Variants in CEP290 observed in about 807,000 individuals in gnomAD.
CEP290 encodes the protein centrosomal protein of 290 kDa.
A neutral mutation model predicts 344.9 loss-of-function variants in CEP290; 317 were observed. That is an observed-to-expected ratio of 0.92 (90% CI 0.84 to 1.01). The LOEUF (loss-of-function observed/expected upper bound fraction) is 1.01. Among genes scored for constraint, CEP290 ranks in the 50% least tolerant of loss-of-function variants. The pLI, the probability that CEP290 is intolerant of heterozygous loss-of-function variation, is 0.00. For missense variants in CEP290, 2,754 were observed against 2,761.4 expected (o/e 1.00, Z 0.06); for synonymous variants, 932 against 895.8 (o/e 1.04, Z -0.72).
At position 88,079,162 on chromosome 12, in the gene CEP290, G is replaced by A; in HGVS notation, c.5294C>T (p.Ser1765Phe). The stretch of plus-strand genomic sequence containing the variant: ...ATGGGCCTCTTTTTGAGAAGTTGCA[G>A]AAATAATACGTTCTTCAGCAGCTGC... ...MTAAAEERII[S>F]ATSQKEAHLN... The change falls in exon 39 of 54, where the codon TCT becomes TTT. Residue 1765 changes from serine to phenylalanine, a missense_variant. By Grantham distance (155) the Ser-to-Phe change is radical (BLOSUM62 -2). Transcript: ENST00000552810. The A allele has an allele frequency of 1.2e-6, 2 of 1,603,286 alleles. No homozygotes were observed. The highest frequency in any genetic ancestry group is 1.1e-5 in the South Asian group (1 of 88,644).
At chr12:88,092,900 T>G in intron 28 of CEP290, 68 bp from the exon 29 acceptor site, 1 of 1,458,054 alleles carries the variant, frequency 6.9e-7, no homozygotes, top group Non-Finnish European at 9.5e-7. Flanking sequence ...GTAATTTAGC[T>G]TTTAAAGTAC....
chr12:88,096,893 T>G lies in CEP290; in HGVS notation c.3098A>C (p.Lys1033Thr), dbSNP rs1421960607. 4.0e-6 allele frequency: 6 copies of G among 1,504,720 alleles called. No homozygotes were observed. Among genetic ancestry groups the G allele is most frequent in the African/African-American group, 1.4e-5 (1 of 72,242 alleles). The allele number at this position is 1,504,720 out of a possible 1,614,324, so 93.2% of individuals were successfully genotyped here. Residue 1033 changes from lysine (K) to threonine (T), a missense_variant, in exon 27 of 54, where the codon AAA (lysine) becomes ACA (threonine). Lys to Thr is a moderately conservative substitution (Grantham distance 78). Transcript: ENST00000552810. ...TIEQAWEQET[K>T]LGNESSMDKA... ...ATCAGAGTCATAAAACTTACCTAATTTAGTTTCCTGTTCCCAGGCTTGTTC... is the reference window on the plus strand; with the variant it reads ...ATCAGAGTCATAAAACTTACCTAATGTAGTTTCCTGTTCCCAGGCTTGTTC...
At chr12:88,132,601 T>C (rs1360605711) in intron 6 of CEP290, among the ~76,000 whole-genome samples, 3 of 152,200 alleles carry the variant, frequency 2.0e-5, no homozygotes, top group East Asian at 1.9e-4. Context: ...AAAAATGTGA[T>C]TGAACAAACA....
At chr12:88,053,515 C>G (rs12228405) in intron 52 of CEP290, 137 bp downstream of exon 52, 3 of 594,562 alleles carry the variant, frequency 5.0e-6, no homozygotes, top group Middle Eastern at 4.5e-4. Flanking sequence ...CACAGAGAGA[C>G]AAAAGACCCA....
intron 44 of CEP290, among the ~76,000 whole-genome samples, chr12:88,067,661 A>G (rs2035045759): frequency 6.6e-6 from 1 of 152,162 alleles, no homozygotes; most frequent in Non-Finnish European, 1.5e-5. Flanking sequence ...TCATTTTGAC[A>G]ACATTCTTGA....
At chr12:88,068,790 A>T in intron 43 of CEP290, 145 bp from the exon 44 acceptor site, 1 of 773,658 alleles carries the variant, frequency 1.3e-6, no homozygotes, top group Non-Finnish European at 1.9e-6. Flanking sequence ...TAAACTTTAT[A>T]ACAAATAAAT....
In CEP290 at chr12:88,084,841, C is replaced by A. The variant is rs760443127; in HGVS notation, c.4449G>T (p.Glu1483Asp). ...TCKSLEEKLKEKESALRLAEQ... is the reference protein window; with the variant it reads ...TCKSLEEKLKDKESALRLAEQ... The stretch of plus-strand genomic sequence containing the variant: ...CTGCTAACCTTAAAGCAGATTCTTT[C>A]TCTTTTAGTTTCTGCAATGATTAAA... The change falls in exon 35 of 54, where the codon GAG (glutamate) becomes GAT (aspartate). Residue 1483 changes from glutamate (E) to aspartate (D), a missense_variant. Glu to Asp is a conservative substitution (Grantham distance 45). Transcript: ENST00000552810. 1 of 1,559,090 alleles carries A rather than the reference C, an allele frequency of 6.4e-7. No individual in the cohort carries two copies.
chr12:88,098,042 C>G (rs1459951290), intron 26 of CEP290, among the ~76,000 whole-genome samples: 1 of 152,106 alleles, frequency 6.6e-6, no homozygotes, highest in African/African-American at 2.4e-5. Flanking sequence ...TACGGTGGCT[C>G]ACACCTGTAA....
chr12:88,105,032 T>C (rs919883017), intron 25 of CEP290, among the ~76,000 whole-genome samples: 2 of 152,274 alleles, frequency 1.3e-5, no homozygotes, highest in East Asian at 1.9e-4. Context: ...CTAGTGGCAA[T>C]GATACTCTGA....
rs561598805 is a variant in CEP290 at position 88,071,860 on chromosome 12, G to C, written c.5776C>G (p.Arg1926Gly). ...KKWQAKIEGI[R>G]NKLKEKEGEV... ...CCCTCTTTCTCTTTTAACTTGTTTC[G>C]AATTCCTTCTATTTTGGCTTGCCAC... The change falls in exon 42 of 54, where the codon CGA becomes GGA. Residue 1926 changes from arginine (R) to glycine (G), a missense_variant. Transcript: ENST00000552810. 6.2e-7 allele frequency: 1 copy of C among 1,602,288 alleles called. No individual in the cohort carries two copies. The highest frequency in any genetic ancestry group is 1.3e-5 in the African/African-American group (1 of 74,326).
chr12:88,087,267 G>C (rs2036652617), intron 32 of CEP290, among the ~76,000 whole-genome samples: 1 of 151,996 alleles, frequency 6.6e-6, no homozygotes, highest in African/African-American at 2.4e-5. Context: ...TACCAAATGA[G>C]GTTGCTTATG....
chr12:88,127,914 T>C (rs2039832058), intron 11 of CEP290, among the ~76,000 whole-genome samples: 1 of 152,172 alleles, frequency 6.6e-6, no homozygotes, highest in African/African-American at 2.4e-5. Flanking sequence ...AAAATAATTA[T>C]GAAATGGTAT....
rs762450740 is a variant in CEP290, at chr12:88,126,415, A to C, written c.966T>G (p.Asp322Glu). Reference sequence around the variant, plus strand: ...ACATTTGCTGATACTCAATAATTTCATCATCTTTAGAAGACAAAATTAGCT... The same window carrying C: ...ACATTTGCTGATACTCAATAATTTCCTCATCTTTAGAAGACAAAATTAGCT... ...EWKLILSSKD[D>E]EIIEYQQMLH... The change falls in exon 12 of 54, where the codon GAT becomes GAG. Residue 322 changes from aspartate to glutamate, a missense_variant. Physicochemically the swap from Asp to Glu is conservative, Grantham distance 45. Coordinates refer to ENST00000552810, the MANE Select transcript of CEP290 (RefSeq NM_025114.4). The C allele has an allele frequency of 6.6e-7, 1 of 1,512,024 alleles. No individual in the cohort carries two copies. Among genetic ancestry groups the C allele is most frequent in the Non-Finnish European group, 8.8e-7 (1 of 1,135,030 alleles). The allele number at this position is 1,512,024 out of a possible 1,614,324, so 93.7% of individuals were successfully genotyped here. A position where few individuals can be genotyped will look rare whatever the true frequency, so the allele number is the denominator to read the frequency against.
At chr12:88,101,460 G>C (rs2037870289) in intron 26 of CEP290, among the ~76,000 whole-genome samples, 2 of 134,082 alleles carry the variant, frequency 1.5e-5, no homozygotes, top group Non-Finnish European at 3.1e-5. Flanking sequence ...CAGCCTGGGT[G>C]ACAGAGCGAG....
chr12:88,136,585 T>A (rs1313424468), intron 6 of CEP290, 58 bp downstream of exon 6: 1 of 1,522,554 alleles, frequency 6.6e-7, no homozygotes, highest in Non-Finnish European at 9.1e-7. Flanking sequence ...TTACCAATAA[T>A]AATAAAAAGC....
Position 88,092,736 on chromosome 12 carries a change from G to A in CEP290, c.3406C>T (p.Gln1136Ter). 6.2e-7 allele frequency: 1 copy of A among 1,609,610 alleles called. No homozygotes were observed. Among genetic ancestry groups the A allele is most frequent in the Non-Finnish European group, 8.5e-7 (1 of 1,178,070 alleles). ...VSKAVSDADR[Q>*]RILELEKNEM... ...TTCTTCTCTAATTCTAGAATCCGTT[G>A]CCTATCAGCATCACTTACTGCCTTG... Residue 1136 changes from glutamine to a stop codon, truncating the protein, a stop_gained, in exon 29 of 54, where the codon CAA becomes TAA. Coordinates refer to ENST00000552810, the MANE Select transcript of CEP290 (RefSeq NM_025114.4). LOFTEE classifies it high-confidence loss of function.
chr12:88,077,934 G>C lies in CEP290; in HGVS notation c.5365-16C>G. The C allele has an allele frequency of 8.9e-7, 1 of 1,125,076 alleles. No homozygotes were observed. The allele number at this position is 1,125,076 out of a possible 1,614,324, so 69.7% of individuals were successfully genotyped here. Reference sequence around the variant, plus strand: ...CAACTTGTGTCTAATAAGAGAAAAAGAAAGGTATTATTCATGACTCTTCAA... The same window carrying C: ...CAACTTGTGTCTAATAAGAGAAAAACAAAGGTATTATTCATGACTCTTCAA... On this transcript the variant is annotated splice_polypyrimidine_tract_variant and intron_variant, in intron 39 of 53. Coordinates refer to ENST00000552810, the MANE Select transcript of CEP290 (RefSeq NM_025114.4).
Position 88,053,655 on chromosome 12 carries a change from G to A in CEP290, c.7126C>T (p.Pro2376Ser), listed in dbSNP as rs754462052. The A allele has an allele frequency of 3.5e-5, 51 of 1,476,064 alleles. No homozygotes were observed. Among genetic ancestry groups the A allele is most frequent in the South Asian group, 1.4e-4 (11 of 79,016 alleles). 91.4% of individuals were successfully genotyped at this position (1,476,064 alleles called of 1,614,324 possible). ...KDQSGAESTIPDADQLKEKIK... is the reference protein window; with the variant it reads ...KDQSGAESTISDADQLKEKIK... Reference sequence around the variant, plus strand: ...CATGTTTTTTAAAATACATTACCAGGTATGGTGCTTTCAGCTCCACTTTGG... The same window carrying A: ...CATGTTTTTTAAAATACATTACCAGATATGGTGCTTTCAGCTCCACTTTGG... Residue 2376 changes from proline to serine, a missense_variant, in exon 52 of 54, where the codon CCT becomes TCT. Physicochemically the swap from Pro to Ser is moderately conservative, Grantham distance 74. Transcript: ENST00000552810.
At chr12:88,090,283 A>C (rs749472973) in intron 30 of CEP290, among the ~76,000 whole-genome samples, 8 of 152,186 alleles carry the variant, frequency 5.3e-5, no homozygotes, top group East Asian at 1.9e-4. Context: ...GAGCTTTCTA[A>C]TCAGGTTCCA....
Sources: gnomAD v4.1 joint callset for allele counts (sites outside exome capture counted in the v4.1 genomes callset) on GRCh38, gnomAD v4.1.1 for gene constraint, MANE v1.5 for transcripts, NCBI Gene and HGNC (gene_info 2026-07-23, HGNC 2026-07-21) for gene names.